Variants in ACLY observed in about 807,000 individuals in gnomAD.
ACLY encodes ATP citrate lyase, also known as ATP-citrate synthase.
In ACLY, 41 loss-of-function variants were observed where a neutral mutation model predicts 133.0. The ratio of observed to expected loss-of-function variants is 0.31; its 90% CI spans 0.24 to 0.40. ACLY has a LOEUF of 0.40. ACLY is among the 10% of genes least tolerant of loss of function. ACLY has a pLI of 1.00. For synonymous variants in ACLY, 495 were observed against 549.3 expected, an observed-to-expected ratio of 0.90 and a Z score of 1.38; for missense variants, 1,046 against 1,453.8, an observed-to-expected ratio of 0.72 and a Z score of 4.56.
At chr17:41,901,594 G>A in intron 11 of ACLY, 102 bp downstream of exon 11, 1 of 953,160 alleles carries the variant, frequency 1.0e-6, no homozygotes, top group East Asian at 2.5e-5. Flanking sequence ...AAGGGGAGTA[G>A]AGAGCAAAAG....
chr17:41,875,468 C>T (rs1355963083), intron 22 of ACLY, among the ~76,000 whole-genome samples: 1 of 151,420 alleles, frequency 6.6e-6, no homozygotes, highest in Non-Finnish European at 1.5e-5. Context: ...TCTCCCTCTC[C>T]CCACGGTCTC....
Position 41,907,511 on chromosome 17 carries a change from G to A in ACLY, c.678C>T (p.Asp226=). Residue 226 remains aspartate, a synonymous_variant, in exon 7 of 29, where the codon GAC becomes GAT. Transcript: ENST00000352035. ...DLAAKVDATA[D]YICKVKWGDI... ...CACCCCACTTCACTTTGCAGATGTA[G>A]TCGGCAGTGGCGTCCACCTTGGCCG... 6.2e-7 allele frequency: 1 copy of A among 1,613,964 alleles called. No homozygotes were observed.
intron 16 of ACLY, among the ~76,000 whole-genome samples, chr17:41,890,603 A>T (rs1304553493): frequency 6.6e-6 from 1 of 151,812 alleles, no homozygotes; most frequent in Admixed American, 6.6e-5. Flanking sequence ...CAGAAGAATC[A>T]CTTGAACCCG....
rs369267946 is a variant in ACLY at position 41,909,036 on chromosome 17, T to C, written c.569A>G (p.Asn190Ser). The C allele has an allele frequency of 2.2e-5, 36 of 1,612,892 alleles. No homozygotes were observed. The highest frequency in any genetic ancestry group is 1.2e-4 in the Admixed American group (7 of 59,948). ...GGTGAAGTACAAGTCCTCGTAGAAA[T>C]TGAAGAGGCCGGAGATAAAACTGGC... ...ILASFISGLF[N>S]FYEDLYFTYL... Residue 190 changes from asparagine to serine, a missense_variant, in exon 6 of 29, where the codon AAT (asparagine) becomes AGT (serine). By Grantham distance (46) the Asn-to-Ser change is conservative (BLOSUM62 1). Coordinates refer to ENST00000352035, the MANE Select transcript of ACLY (RefSeq NM_001096.3).
chr17:41,883,628 A>G (rs1597988911), intron 19 of ACLY, among the ~76,000 whole-genome samples: 1 of 121,892 alleles, frequency 8.2e-6, no homozygotes, highest in African/African-American at 3.2e-5. Flanking sequence ...TCTGTCTCCC[A>G]GGCTGGAGGG....
At chr17:41,908,416 G>A (rs1341086911) in intron 6 of ACLY, among the ~76,000 whole-genome samples, 5 of 152,212 alleles carry the variant, frequency 3.3e-5, no homozygotes, top group Admixed American at 6.5e-5. Context: ...CCCACCTCCT[G>A]CTGTCAGAAA....
chr17:41,897,220 A>C (rs1238332871), intron 13 of ACLY, among the ~76,000 whole-genome samples: 6 of 152,050 alleles, frequency 3.9e-5, no homozygotes, highest in Admixed American at 3.9e-4. Context: ...GGCCGGCAGG[A>C]ATCACATCTA....
chr17:41,893,536 TAAC>T (rs2049276123), intron 14 of ACLY, among the ~76,000 whole-genome samples: 1 of 152,204 alleles, frequency 6.6e-6, no homozygotes, highest in African/African-American at 2.4e-5. Context: ...AATGAGGTCT[TAAC>T]AAATTATTTT....
chr17:41,873,140 T>C (rs1207275642), intron 23 of ACLY, among the ~76,000 whole-genome samples: 3 of 151,400 alleles, frequency 2.0e-5, no homozygotes, highest in Admixed American at 2.0e-4. Context: ...TTCAAGCTGA[T>C]GGGAGAAACA....
chr17:41,882,222 C>G lies in ACLY; in HGVS notation c.2265+900G>C, dbSNP rs1410762318. Among the ~76,000 whole-genome samples the G allele has an allele frequency of 4.6e-5, 7 of 151,792 alleles. 1 individual carries two copies. The South Asian group carries it at 1.0e-3, about 23-fold the overall frequency. On this transcript the variant is annotated intron_variant, in intron 20 of 28. Coordinates refer to ENST00000352035, the MANE Select transcript of ACLY (RefSeq NM_001096.3). ...TCTCTACTAAGAATACAAAAATTAGCTGGGTGTGGTGGCATGCGCCCATAA... is the reference window on the plus strand; with the variant it reads ...TCTCTACTAAGAATACAAAAATTAGGTGGGTGTGGTGGCATGCGCCCATAA...
At chr17:41,894,166 G>A (rs560428857) in intron 14 of ACLY, among the ~76,000 whole-genome samples, 58 of 149,430 alleles carry the variant, frequency 3.9e-4, no homozygotes, top group Non-Finnish European at 6.9e-4. Context: ...GCAGTGAGCC[G>A]AGATCGTGCC....
chr17:41,868,703 A>T lies in ACLY; in HGVS notation c.3211+6T>A, dbSNP rs1555624440. On this transcript the variant is annotated splice_donor_region_variant and intron_variant, in intron 28 of 28. Coordinates refer to ENST00000352035, the MANE Select transcript of ACLY (RefSeq NM_001096.3). ...AAACACTTAAAACAACAACGAATGG[A>T]CTCACCAATGAACCCCATACTCCTT... is the stretch of plus-strand genomic sequence containing the variant. 1.9e-6 allele frequency: 3 copies of T among 1,612,342 alleles called. No homozygotes were observed. The highest frequency in any genetic ancestry group is 2.5e-6 in the Non-Finnish European group (3 of 1,179,240).
At chr17:41,878,336 T>G in intron 21 of ACLY, 140 bp from the exon 22 acceptor site, 1 of 554,762 alleles carries the variant, frequency 1.8e-6, no homozygotes, top group Non-Finnish European at 3.0e-6. Flanking sequence ...GAGAACTAAA[T>G]GAAAAGAAGT....
chr17:41,912,100 C>G (rs560113084), intron 3 of ACLY, among the ~76,000 whole-genome samples: 2 of 141,752 alleles, frequency 1.4e-5, no homozygotes, highest in African/African-American at 5.3e-5. Flanking sequence ...GGCTACAGAG[C>G]AAGACCCTGT....
intron 1 of ACLY, among the ~76,000 whole-genome samples, chr17:41,916,064 TCA>T (rs782251929): frequency 1.1e-4 from 17 of 152,202 alleles, no homozygotes; most frequent in Admixed American, 6.5e-4. Flanking sequence ...AGCTGAGAAA[TCA>T]CAGTTTTCTT....
intron 11 of ACLY, among the ~76,000 whole-genome samples, chr17:41,899,403 G>A (rs372511007): frequency 1.3e-5 from 2 of 151,990 alleles, no homozygotes; most frequent in East Asian, 1.9e-4. Flanking sequence ...AGCCCTCATC[G>A]CATGCATCCA....
chr17:41,902,535 A>G (rs1555631818), intron 10 of ACLY, among the ~76,000 whole-genome samples: 1 of 152,234 alleles, frequency 6.6e-6, no homozygotes, highest in East Asian at 1.9e-4. Flanking sequence ...CAGTTCTTAC[A>G]ATGGATATCC....
chr17:41,916,721 CTT>C (rs1555634573), intron 1 of ACLY, among the ~76,000 whole-genome samples: 4 of 152,102 alleles, frequency 2.6e-5, no homozygotes, highest in South Asian at 4.2e-4. Flanking sequence ...CTCTTAACCT[CTT>C]TGAGGCCTCA....
At chr17:41,902,313 A>G (rs2049564297) in intron 10 of ACLY, among the ~76,000 whole-genome samples, 1 of 152,206 alleles carries the variant, frequency 6.6e-6, no homozygotes, top group Admixed American at 6.5e-5. Flanking sequence ...TCCTGGGTTC[A>G]AGCGATTCTC....
Sources: gnomAD v4.1 joint callset for allele counts (sites outside exome capture counted in the v4.1 genomes callset) on GRCh38, gnomAD v4.1.1 for gene constraint, MANE v1.5 for transcripts, NCBI Gene and HGNC (gene_info 2026-07-23, HGNC 2026-07-21) for gene names.